The following COQ2 variants were observed in gnomAD, a reference collection of about 807,000 sequenced individuals.
COQ2 encodes the protein 4-hydroxybenzoate polyprenyltransferase, mitochondrial.
In COQ2, 25 loss-of-function variants were observed where a neutral mutation model predicts 35.7. The observed-to-expected ratio is 0.70, with a 90% CI of 0.51 to 0.98. COQ2 has a LOEUF of 0.98. Among genes scored for constraint, COQ2 ranks in the 50% least tolerant of loss-of-function variants. COQ2 has a pLI of 0.00. For missense variants in COQ2, 488 were observed against 473.5 expected, an observed-to-expected ratio of 1.03 and a Z score of -0.28; for synonymous variants, 206 against 186.2, an observed-to-expected ratio of 1.11 and a Z score of -0.86.
chr4:83,271,094 G>A (rs1003025910), intron 4 of COQ2, among the ~76,000 whole-genome samples: 11 of 152,040 alleles, frequency 7.2e-5, no homozygotes, highest in African/African-American at 2.4e-4. Context: ...AATCATTCTA[G>A]GAATAGAATA....
In COQ2 at chr4:83,271,963, C is replaced by T. The variant is rs1021699302; in HGVS notation, c.628+124G>A. The T allele has an allele frequency of 9.3e-6, 6 of 643,082 alleles. No homozygotes were observed. In the Admixed American group the frequency reaches 9.8e-5, roughly 11 times the overall value. The allele number at this position is 643,082 out of a possible 1,614,324, so 39.8% of individuals were successfully genotyped here. A position where few individuals can be genotyped will look rare whatever the true frequency, so the allele number is the denominator to read the frequency against. On this transcript the variant is annotated intron_variant, in intron 4 of 6. Coordinates refer to ENST00000647002, the MANE Select transcript of COQ2 (RefSeq NM_001358921.2). ...CTGCTCTCCTTTAAAGTACGAAAAT[C>T]TACTATTGGTTAGGAAAATTACATG...
At chr4:83,278,375 G>A (rs969345059) in intron 2 of COQ2, among the ~76,000 whole-genome samples, 2 of 152,040 alleles carry the variant, frequency 1.3e-5, no homozygotes, top group Non-Finnish European at 2.9e-5. Context: ...GTTCTTAACC[G>A]AAGTTTTCTC....
chr4:83,272,281 CTTAAA>C (rs1442823076), intron 3 of COQ2, 109 bp from the exon 4 acceptor site: 1 of 567,976 alleles, frequency 1.8e-6, no homozygotes. Flanking sequence ...TATATTTTAT[CTTAAA>C]TTATATTTTA....
chr4:83,279,766 C>T (rs1270626738), intron 1 of COQ2, among the ~76,000 whole-genome samples: 1 of 151,542 alleles, frequency 6.6e-6, no homozygotes, highest in East Asian at 1.9e-4. Flanking sequence ...CTGGCACCTT[C>T]TGAATATTGT....
In COQ2 at chr4:83,272,092, G is replaced by T. The variant is rs1735060956; in HGVS notation, c.623C>A (p.Ala208Asp). ...MKRISYWPQL[A>D]LGLTFNWGAL... ...TTTAGTTATTGTAAGCTCACCCAAG[G>T]CTAGTTGAGGCCAGTATGAAATTCT... is the stretch of plus-strand genomic sequence containing the variant. Residue 208 changes from alanine (A) to aspartate (D), a missense_variant, in exon 4 of 7, where the codon GCC becomes GAC. By Grantham distance (126) the Ala-to-Asp change is moderately radical (BLOSUM62 -2). Transcript: ENST00000647002. The T allele has an allele frequency of 6.3e-7, 1 of 1,598,886 alleles. No homozygotes were observed. Among genetic ancestry groups the T allele is most frequent in the Non-Finnish European group, 8.5e-7 (1 of 1,170,572 alleles).
intron 2 of COQ2, among the ~76,000 whole-genome samples, chr4:83,276,166 G>A (rs549420690): frequency 6.6e-6 from 1 of 150,616 alleles, no homozygotes; most frequent in East Asian, 1.9e-4. Context: ...AAGAAAGTGT[G>A]TATCTCATAT....
At position 83,280,835 on chromosome 4, in the gene COQ2, G is replaced by A. The variant is rs142078808; in HGVS notation, c.254-1721C>T. 8.5e-5 allele frequency among the ~76,000 whole-genome samples: 13 copies of A among 152,322 alleles called. 1 individual carries two copies. Among genetic ancestry groups the A allele is most frequent in the Admixed American group, 4.6e-4 (7 of 15,304 alleles). ...TGTCCTGGACAGACTCATACTTGGT[G>A]CACTCCACAGTAACAATGGCTAATA... On this transcript the variant is annotated intron_variant, in intron 1 of 6. Coordinates refer to ENST00000647002, the MANE Select transcript of COQ2 (RefSeq NM_001358921.2).
intron 5 of COQ2, among the ~76,000 whole-genome samples, chr4:83,269,501 AT>A (rs972950830): frequency 6.6e-6 from 1 of 152,210 alleles, no homozygotes; most frequent in African/African-American, 2.4e-5. Context: ...TTCTTCACAT[AT>A]TTCCTCTTCT....
rs1432792305 is a variant in COQ2, at chr4:83,272,187, A to AACCATTAAAGTGATTATTACCAT, written c.543-16_543-15insATGGTAATAATCACTTTAATGGT. 2.5e-6 allele frequency: 4 copies of AACCATTAAAGTGATTATTACCAT among 1,571,708 alleles called. No individual in the cohort carries two copies. The African/African-American group carries it at 4.1e-5, about 16-fold the overall frequency. On this transcript the variant is annotated splice_polypyrimidine_tract_variant and intron_variant, in intron 3 of 6. Transcript: ENST00000647002. ...CCAGAGCTATACTGAAAAGAGGAAA[A>AACCATTAAAGTGATTATTACCAT]ACCATTAAAGTGATTATTACCACTA...
chr4:83,283,773 C>T (rs1041873928), intron 1 of COQ2: 7 of 985,362 alleles, frequency 7.1e-6, no homozygotes, highest in Non-Finnish European at 8.4e-6. Flanking sequence ...TCAACAAGCG[C>T]ATAAGGTTAG....
chr4:83,274,596 T>C (rs1735125560), intron 2 of COQ2, among the ~76,000 whole-genome samples: 1 of 152,208 alleles, frequency 6.6e-6, no homozygotes, highest in African/African-American at 2.4e-5. Context: ...TCTCACAGCT[T>C]TCAAGATTTT....
intron 2 of COQ2, among the ~76,000 whole-genome samples, chr4:83,278,582 T>A (rs1279814983): frequency 6.6e-6 from 1 of 152,266 alleles, no homozygotes; most frequent in Admixed American, 6.5e-5. Context: ...TAAGAATAGT[T>A]AGGGCTCTAA....
At chr4:83,269,274 T>C (rs1483453516) in intron 5 of COQ2, among the ~76,000 whole-genome samples, 16 of 152,136 alleles carry the variant, frequency 1.1e-4, no homozygotes, top group Admixed American at 1.0e-3. Context: ...GCATGTTAAA[T>C]TGGGGCATGG....
At chr4:83,270,989 T>C (rs1422594660) in intron 4 of COQ2, among the ~76,000 whole-genome samples, 2 of 152,204 alleles carry the variant, frequency 1.3e-5, no homozygotes, top group Non-Finnish European at 2.9e-5. Context: ...AAGATAAATA[T>C]TCTACCACAA....
intron 1 of COQ2, chr4:83,281,709 T>TAAA (rs1206123687): frequency 1.3e-5 from 2 of 152,242 alleles, no homozygotes; most frequent in Admixed American, 1.3e-4. Context: ...AGAACACTTT[T>TAAA]GACTCTCACA....
intron 1 of COQ2, chr4:83,284,240 C>A: frequency 1.0e-6 from 1 of 985,444 alleles, no homozygotes; most frequent in Non-Finnish European, 1.2e-6. Flanking sequence ...GTGAAACTGG[C>A]GGGTCCTTTA....
intron 2 of COQ2, among the ~76,000 whole-genome samples, chr4:83,276,069 T>TA (rs1735170810): frequency 1.5e-4 from 2 of 13,392 alleles, no homozygotes; most frequent in Non-Finnish European, 3.8e-4. Flanking sequence ...AATATATATT[T>TA]TATATATAAT....
rs1310259102 is a variant in COQ2, at chr4:83,284,756, G to A, written c.9C>T (p.Gly3=). The change falls in exon 1 of 7, where the codon GGC becomes GGT. Residue 3 remains glycine (G), a synonymous_variant. Transcript: ENST00000647002. Reference sequence around the variant, plus strand: ...CCCGCGCGAACCCCGCGGCTCGCGAGCCCAGCATGGCGCTGGTGAGGCCGG... The same window carrying A: ...CCCGCGCGAACCCCGCGGCTCGCGAACCCAGCATGGCGCTGGTGAGGCCGG... ML[G]SRAAGFARGL... The A allele has an allele frequency of 2.6e-6, 4 of 1,541,208 alleles. No homozygotes were observed. Among genetic ancestry groups the A allele is most frequent in the Admixed American group, 1.9e-5 (1 of 51,390 alleles).
At chr4:83,277,304 T>C (rs751519967) in intron 2 of COQ2, among the ~76,000 whole-genome samples, 1 of 152,146 alleles carries the variant, frequency 6.6e-6, no homozygotes, top group Non-Finnish European at 1.5e-5. Flanking sequence ...ACACCCCATA[T>C]CCTCCAGCCA....
Sources: gnomAD v4.1 joint callset for allele counts (sites outside exome capture counted in the v4.1 genomes callset) on GRCh38, gnomAD v4.1.1 for gene constraint, MANE v1.5 for transcripts, NCBI Gene and HGNC (gene_info 2026-07-23, HGNC 2026-07-21) for gene names.